The following STRN variants were observed in gnomAD, a reference collection of about 807,000 sequenced individuals.
STRN encodes striatin.
In STRN, 53 loss-of-function variants were observed where a neutral mutation model predicts 96.3. That is an observed-to-expected ratio of 0.55 (90% CI 0.44 to 0.69). The LOEUF (loss-of-function observed/expected upper bound fraction) is 0.69, where lower values mean the gene tolerates loss of function less well. STRN is among the 30% of genes least tolerant of loss of function. The probability of loss-of-function intolerance (pLI) is 0.00; values close to 1 mark genes in which losing one functional copy is unlikely to be tolerated. For synonymous variants in STRN, 428 were observed against 355.9 expected, an observed-to-expected ratio of 1.20 and a Z score of -2.28; for missense variants, 987 against 963.9, an observed-to-expected ratio of 1.02 and a Z score of -0.32.
chr2:36,890,477 CTTTTTTTTTTT>C (rs1163881782), intron 7 of STRN, among the ~76,000 whole-genome samples: 2 of 104,624 alleles, frequency 1.9e-5, no homozygotes, highest in East Asian at 2.7e-4. Context: ...CACCAGAAAA[CTTTTTTTTTTT>C]TTTTTTTTTT....
At chr2:36,898,812 G>C (rs1669609101) in intron 6 of STRN, among the ~76,000 whole-genome samples, 1 of 151,916 alleles carries the variant, frequency 6.6e-6, no homozygotes, top group Admixed American at 6.6e-5. Flanking sequence ...CATTTTCCTA[G>C]ACAAAGTGAA....
chr2:36,894,151 CCTAA>C (rs1406938041), intron 6 of STRN, 118 bp from the exon 7 acceptor site: 44 of 1,130,422 alleles, frequency 3.9e-5, no homozygotes, highest in Admixed American at 5.9e-5. Flanking sequence ...AACTGTACTA[CCTAA>C]CTCAGTGAAA....
rs577513566 is a variant in STRN, at chr2:36,916,264, C to G, written c.339-113G>C. The G allele has an allele frequency of 1.0e-5, 9 of 876,552 alleles. No homozygotes were observed. In the Admixed American group the frequency reaches 1.4e-4, roughly 14 times the overall value. The allele number at this position is 876,552 out of a possible 1,614,324, so 54.3% of individuals were successfully genotyped here. ...CCTGGCTGAACACTCCTAGAACTTT[C>G]AAAGGCTCATAGCTTTCCATGGTGT... is the stretch of plus-strand genomic sequence containing the variant. On this transcript the variant is annotated intron_variant, in intron 2 of 17. Transcript: ENST00000263918.
rs1668012860 is a variant in STRN, at chr2:36,844,219, G to C, written c.*5237C>G. On this transcript the variant is annotated 3_prime_UTR_variant, in exon 18 of 18. Coordinates refer to ENST00000263918, the MANE Select transcript of STRN (RefSeq NM_003162.4). ...ATCTGGGCTGGAAAAAAAGTGTGTG[G>C]AGAAGGGGAGTTGTATTGTTTTCTC... The C allele has an allele frequency of 6.6e-6, 1 of 152,170 alleles. No individual in the cohort carries two copies. Among genetic ancestry groups the C allele is most frequent in the Non-Finnish European group, 1.5e-5 (1 of 68,024 alleles). 9.4% of individuals were successfully genotyped at this position (152,170 alleles called of 1,614,324 possible). A position where few individuals can be genotyped will look rare whatever the true frequency, so the allele number is the denominator to read the frequency against.
intron 3 of STRN, among the ~76,000 whole-genome samples, chr2:36,905,974 C>G (rs915585225): frequency 2.0e-5 from 3 of 151,990 alleles, no homozygotes; most frequent in Non-Finnish European, 2.9e-5. Context: ...CTAGAACAAG[C>G]CAATAATAAC....
intron 8 of STRN, among the ~76,000 whole-genome samples, chr2:36,884,298 A>G: frequency 6.6e-6 from 1 of 152,214 alleles, no homozygotes; most frequent in East Asian, 1.9e-4. Context: ...GGATATCACT[A>G]TTTACATAAA....
intron 14 of STRN, among the ~76,000 whole-genome samples, chr2:36,857,625 A>G (rs1455270620): frequency 6.6e-6 from 1 of 152,100 alleles, no homozygotes; most frequent in Non-Finnish European, 1.5e-5. Context: ...GCGCCACTGC[A>G]CTCCAGCCTG....
chr2:36,865,353 G>C (rs966592853), intron 12 of STRN, among the ~76,000 whole-genome samples: 11 of 151,990 alleles, frequency 7.2e-5, no homozygotes, highest in Non-Finnish European at 1.6e-4. Context: ...GTGTTTATTT[G>C]GATCTTCTCT....
At chr2:36,962,648 T>G (rs1316363940) in intron 1 of STRN, among the ~76,000 whole-genome samples, 1 of 151,900 alleles carries the variant, frequency 6.6e-6, no homozygotes, top group Non-Finnish European at 1.5e-5. Flanking sequence ...TGCCTCAGCC[T>G]CCAGCACACA....
intron 12 of STRN, among the ~76,000 whole-genome samples, chr2:36,865,767 G>A (rs538033990): frequency 6.6e-6 from 1 of 151,962 alleles, no homozygotes; most frequent in East Asian, 1.9e-4. Flanking sequence ...TCACCATGTT[G>A]GCCAGGCTGG....
chr2:36,893,828 C>T (rs1269982763), intron 7 of STRN, 70 bp downstream of exon 7: 1 of 1,504,040 alleles, frequency 6.6e-7, no homozygotes, highest in Admixed American at 2.3e-5. Context: ...TAAGATGTTG[C>T]CCTCCTGGTA....
intron 1 of STRN, 36 bp downstream of exon 1, chr2:36,966,194 G>C: frequency 6.6e-7 from 1 of 1,506,556 alleles, no homozygotes; most frequent in Non-Finnish European, 8.9e-7. Flanking sequence ...GAGCAAAGAG[G>C]CGGGATGAAG....
chr2:36,878,204 T>A (rs1216645016), intron 9 of STRN, among the ~76,000 whole-genome samples, 177 bp from the exon 10 acceptor site: 1 of 152,232 alleles, frequency 6.6e-6, no homozygotes, highest in Non-Finnish European at 1.5e-5. Context: ...GCTTTTTCCA[T>A]ATCTTAACCA....
At chr2:36,952,944 A>G (rs1664797153) in intron 1 of STRN, among the ~76,000 whole-genome samples, 1 of 152,216 alleles carries the variant, frequency 6.6e-6, no homozygotes, top group South Asian at 2.1e-4. Flanking sequence ...TAGGAAGTAT[A>G]AACAAAAAAG....
chr2:36,841,539 C>T lies in STRN; in HGVS notation c.*7917G>A, dbSNP rs1264248567. On this transcript the variant is annotated 3_prime_UTR_variant, in exon 18 of 18. Coordinates refer to ENST00000263918, the MANE Select transcript of STRN (RefSeq NM_003162.4). ...TGGGCTATCGAAAAAGATGTAAGTA[C>T]ATTTTAAAAATGTTTTTAAAAGCAT... 1 of 152,100 alleles carries T rather than the reference C, an allele frequency of 6.6e-6. No homozygotes were observed. The allele number at this position is 152,100 out of a possible 1,614,324, so 9.4% of individuals were successfully genotyped here. A position where few individuals can be genotyped will look rare whatever the true frequency, so the allele number is the denominator to read the frequency against.
intron 9 of STRN, among the ~76,000 whole-genome samples, chr2:36,883,441 A>G (rs1669131333): frequency 6.6e-6 from 1 of 152,186 alleles, no homozygotes; most frequent in Admixed American, 6.5e-5. Flanking sequence ...TGGGCGATAG[A>G]GCGAGACTCC....
intron 12 of STRN, among the ~76,000 whole-genome samples, chr2:36,862,979 T>G (rs898022881): frequency 6.6e-6 from 1 of 152,204 alleles, no homozygotes; most frequent in Non-Finnish European, 1.5e-5. Flanking sequence ...CGCCTCGGCC[T>G]CCCAAAGTGC....
At chr2:36,932,147 A>C (rs1475243304) in intron 1 of STRN, among the ~76,000 whole-genome samples, 2 of 151,130 alleles carry the variant, frequency 1.3e-5, no homozygotes, top group Non-Finnish European at 2.9e-5. Flanking sequence ...TCTGGTATTT[A>C]TTCTACAGCT....
chr2:36,856,585 C>A (rs1232903255), intron 14 of STRN, among the ~76,000 whole-genome samples: 2 of 152,260 alleles, frequency 1.3e-5, no homozygotes, highest in Middle Eastern at 6.8e-3. Context: ...TAAAACTAAT[C>A]TATGATGAAA....
Sources: allele counts gnomAD v4.1 joint callset (sites outside exome capture counted in the v4.1 genomes callset), GRCh38; gene constraint gnomAD v4.1.1; transcripts MANE v1.5; gene names NCBI Gene and HGNC (gene_info 2026-07-23, HGNC 2026-07-21).